Variants in CTDSPL2 observed in about 807,000 individuals in gnomAD.
CTDSPL2 encodes the protein CTD small phosphatase like 2, also known as CTD small phosphatase-like protein 2.
CTDSPL2 carries 5 observed loss-of-function variants against 60.0 expected under a neutral mutation model. The observed-to-expected ratio is 0.08, with a 90% confidence interval of 0.04 to 0.18. The LOEUF (loss-of-function observed/expected upper bound fraction) is 0.18, where lower values mean the gene tolerates loss of function less well. Among genes scored for constraint, CTDSPL2 ranks in the 10% least tolerant of loss-of-function variants. The pLI, the probability that CTDSPL2 is intolerant of heterozygous loss-of-function variation, is 1.00. For missense variants in CTDSPL2, 370 were observed against 548.8 expected (o/e 0.67, Z 3.26); for synonymous variants, 186 against 189.3 (o/e 0.98, Z 0.14).
At chr15:44,521,886 C>T (rs1404409482) in intron 12 of CTDSPL2, among the ~76,000 whole-genome samples, 3 of 119,400 alleles carry the variant, frequency 2.5e-5, no homozygotes, top group Admixed American at 1.2e-4. Context: ...TGCAGTGAGC[C>T]GAGATCGCGC....
At chr15:44,459,306 T>TC in intron 2 of CTDSPL2, 106 bp downstream of exon 2, 2 of 682,126 alleles carry the variant, frequency 2.9e-6, no homozygotes, top group Non-Finnish European at 4.7e-6. Context: ...GGCAGGTGGA[T>TC]CACGAGGTCA....
At chr15:44,473,382 A>G (rs1391721513) in intron 2 of CTDSPL2, among the ~76,000 whole-genome samples, 1 of 151,322 alleles carries the variant, frequency 6.6e-6, no homozygotes, top group Admixed American at 6.6e-5. Context: ...TGCAAGCTCC[A>G]CCTCCCGGGT....
chr15:44,435,868 A>G (rs942781282), intron 1 of CTDSPL2, among the ~76,000 whole-genome samples: 20 of 151,972 alleles, frequency 1.3e-4, no homozygotes, highest in African/African-American at 4.6e-4. Flanking sequence ...CGGCCTCCCA[A>G]AGTGCTGGGA....
chr15:44,428,117 CTTT>C (rs141771355), intron 1 of CTDSPL2: 1 of 157,538 alleles, frequency 6.3e-6, no homozygotes, highest in South Asian at 2.0e-4. Flanking sequence ...AGAAGTTTAG[CTTT>C]TTTTAACCTT....
chr15:44,443,224 T>C (rs1336659548), intron 1 of CTDSPL2, among the ~76,000 whole-genome samples: 4 of 152,234 alleles, frequency 2.6e-5, no homozygotes, highest in Non-Finnish European at 5.9e-5. Flanking sequence ...ACGTTCATAA[T>C]ATATATCAGA....
rs1179892483 is a variant in CTDSPL2 at position 44,526,394 on chromosome 15, C to T, written c.*2220C>T. The T allele has an allele frequency of 1.3e-5, 2 of 152,104 alleles. No homozygotes were observed. Among genetic ancestry groups the T allele is most frequent in the Admixed American group, 6.5e-5 (1 of 15,274 alleles). 9.4% of individuals were successfully genotyped at this position (152,104 alleles called of 1,614,324 possible). ...ACCTATACTCTTGTGCCTGTGGGCA[C>T]TTCAATAATAAAAACCAACTTTTTA... On this transcript the variant is annotated 3_prime_UTR_variant, in exon 13 of 13. Coordinates refer to ENST00000260327, the MANE Select transcript of CTDSPL2 (RefSeq NM_016396.3).
Position 44,528,157 on chromosome 15 carries a change from G to A in CTDSPL2, c.*3983G>A, listed in dbSNP as rs1049016484. On this transcript the variant is annotated 3_prime_UTR_variant, in exon 13 of 13. Coordinates refer to ENST00000260327, the MANE Select transcript of CTDSPL2 (RefSeq NM_016396.3). ...CTTTTTTAAAAAAGGGTGGGGCGGC[G>A]GGGGAGAGAGCGACAAGTTTATACT... is the stretch of plus-strand genomic sequence containing the variant. 3.3e-5 allele frequency: 5 copies of A among 152,016 alleles called. No individual in the cohort carries two copies. The highest frequency in any genetic ancestry group is 2.1e-4 in the South Asian group (1 of 4,818). 9.4% of individuals were successfully genotyped at this position (152,016 alleles called of 1,614,324 possible).
chr15:44,465,752 C>T (rs1383628084), intron 2 of CTDSPL2, among the ~76,000 whole-genome samples: 16 of 136,190 alleles, frequency 1.2e-4, no homozygotes, highest in Non-Finnish European at 1.8e-4. Flanking sequence ...CTTGCTCTGT[C>T]GCCCAGGCTG....
rs35307134 is a variant in CTDSPL2, at chr15:44,455,839, A to ATTTTTT, written c.-24-3127_-24-3122dup. On this transcript the variant is annotated intron_variant, in intron 1 of 12. Transcript: ENST00000260327. ...TCGGTTTGCCAGTATTTTATTGAGG[A>ATTTTTT]TTTTTTTTTTTTTTTTTTTTTTTTT... 1.7e-4 allele frequency among the ~76,000 whole-genome samples: 8 copies of ATTTTTT among 47,532 alleles called. 1 individual carries two copies. Among genetic ancestry groups the ATTTTTT allele is most frequent in the African/African-American group, 5.7e-4 (6 of 10,498 alleles). 31.2% of individuals were successfully genotyped at this position (47,532 alleles called of 152,430 possible).
intron 2 of CTDSPL2, among the ~76,000 whole-genome samples, chr15:44,483,157 G>T (rs748395146): frequency 6.6e-6 from 1 of 152,018 alleles, no homozygotes; most frequent in Non-Finnish European, 1.5e-5. Context: ...TACTCGGGAG[G>T]CTCAGGCAGG....
At chr15:44,493,749 G>C (rs1226759619) in intron 5 of CTDSPL2, among the ~76,000 whole-genome samples, 1 of 152,148 alleles carries the variant, frequency 6.6e-6, no homozygotes, top group Non-Finnish European at 1.5e-5. Flanking sequence ...GCAGTGAGCT[G>C]TGTTCATGCC....
At chr15:44,439,964 T>C (rs2080051805) in intron 1 of CTDSPL2, among the ~76,000 whole-genome samples, 1 of 152,110 alleles carries the variant, frequency 6.6e-6, no homozygotes, top group Admixed American at 6.6e-5. Context: ...GTAGATTTGG[T>C]ATTGTTTCTT....
chr15:44,505,630 A>T (rs1470934747), intron 8 of CTDSPL2, among the ~76,000 whole-genome samples: 1 of 151,476 alleles, frequency 6.6e-6, no homozygotes. Flanking sequence ...GCTACTCGGG[A>T]GGCTGAGACG....
intron 2 of CTDSPL2, among the ~76,000 whole-genome samples, chr15:44,478,417 A>G (rs182570465): frequency 7.9e-6 from 1 of 126,836 alleles, no homozygotes; most frequent in Non-Finnish European, 1.6e-5. Flanking sequence ...GCACCACTGC[A>G]CTTCAGCCTG....
In CTDSPL2 at chr15:44,528,362, T is replaced by G. The variant is rs185600580; in HGVS notation, c.*4188T>G. ...CTTTTTTTTTTTGTTTGGTTGGTTT[T>G]GTTTTGTTTTGTTTTGTTTTTTCTT... On this transcript the variant is annotated 3_prime_UTR_variant, in exon 13 of 13. Transcript: ENST00000260327. 1.3e-5 allele frequency: 2 copies of G among 150,242 alleles called. No individual in the cohort carries two copies. Among genetic ancestry groups the G allele is most frequent in the African/African-American group, 5.0e-5 (2 of 39,902 alleles). 9.3% of individuals were successfully genotyped at this position (150,242 alleles called of 1,614,324 possible).
At chr15:44,471,565 A>G (rs1460532541) in intron 2 of CTDSPL2, among the ~76,000 whole-genome samples, 1 of 152,192 alleles carries the variant, frequency 6.6e-6, no homozygotes, top group South Asian at 2.1e-4. Flanking sequence ...CCCCTTTATT[A>G]TGATCTACTA....
chr15:44,443,372 T>A (rs940542451), intron 1 of CTDSPL2, among the ~76,000 whole-genome samples: 1 of 152,208 alleles, frequency 6.6e-6, no homozygotes, highest in Non-Finnish European at 1.5e-5. Flanking sequence ...TGAATATGGA[T>A]GTACTGTGTG....
At chr15:44,438,066 C>G (rs2080011697) in intron 1 of CTDSPL2, among the ~76,000 whole-genome samples, 1 of 152,120 alleles carries the variant, frequency 6.6e-6, no homozygotes, top group Non-Finnish European at 1.5e-5. Flanking sequence ...AGATTAAGAC[C>G]ATCCTGGCTA....
chr15:44,482,610 C>T (rs2140779156), intron 2 of CTDSPL2, among the ~76,000 whole-genome samples: 1 of 152,232 alleles, frequency 6.6e-6, no homozygotes, highest in African/African-American at 2.4e-5. Flanking sequence ...AGGAGGCTCC[C>T]TGATCCTCAT....
Sources: gnomAD v4.1 joint callset for allele counts (sites outside exome capture counted in the v4.1 genomes callset) on GRCh38, gnomAD v4.1.1 for gene constraint, MANE v1.5 for transcripts, NCBI Gene and HGNC (gene_info 2026-07-23, HGNC 2026-07-21) for gene names.